KCNAB1: variants seen among roughly 807,000 people sequenced by gnomAD.
KCNAB1 encodes voltage-gated potassium channel subunit beta-1.
A neutral mutation model predicts 64.6 loss-of-function variants in KCNAB1; 35 were observed. That is an observed-to-expected ratio of 0.54 (90% confidence interval 0.41 to 0.72). The LOEUF is 0.72. KCNAB1 is among the 30% of genes least tolerant of loss of function. KCNAB1 has a pLI of 0.00. For synonymous variants in KCNAB1, 177 were observed against 183.8 expected (o/e 0.96, Z 0.30); for missense variants, 401 against 512.9 (o/e 0.78, Z 2.11).
At chr3:156,415,352 G>A (rs911811677) in intron 1 of KCNAB1, among the ~76,000 whole-genome samples, 1 of 152,168 alleles carries the variant, frequency 6.6e-6, no homozygotes, top group Admixed American at 6.5e-5. Context: ...AGTAGTGTGC[G>A]ATGATTACCT....
At chr3:156,434,633 G>A (rs1716462157) in intron 2 of KCNAB1, among the ~76,000 whole-genome samples, 1 of 151,832 alleles carries the variant, frequency 6.6e-6, no homozygotes, top group Admixed American at 6.6e-5. Flanking sequence ...GTAAGGAAAA[G>A]GTCAAAGATA....
chr3:156,345,780 TGGA>T (rs1395327059), intron 1 of KCNAB1, among the ~76,000 whole-genome samples: 3 of 151,932 alleles, frequency 2.0e-5, no homozygotes, highest in Non-Finnish European at 4.4e-5. Flanking sequence ...GCACTAGAAA[TGGA>T]GGAGAAGAAT....
intron 1 of KCNAB1, among the ~76,000 whole-genome samples, chr3:156,391,378 A>G (rs1320818998): frequency 1.3e-5 from 2 of 152,136 alleles, no homozygotes; most frequent in African/African-American, 4.8e-5. Flanking sequence ...CATTTGCCCC[A>G]CTGGCCCATT....
At chr3:156,246,670 C>T (rs896138102) in intron 1 of KCNAB1, among the ~76,000 whole-genome samples, 1 of 145,968 alleles carries the variant, frequency 6.9e-6, no homozygotes, top group Non-Finnish European at 1.5e-5. Context: ...TTATGTTAGT[C>T]ATTTATATAT....
intron 8 of KCNAB1, among the ~76,000 whole-genome samples, chr3:156,478,378 A>G (rs1162246912): frequency 2.0e-5 from 3 of 152,166 alleles, no homozygotes; most frequent in Non-Finnish European, 4.4e-5. Flanking sequence ...TATTGATTTC[A>G]ACTATTATTT....
chr3:156,406,380 C>T (rs1341744110), intron 1 of KCNAB1, among the ~76,000 whole-genome samples: 1 of 152,072 alleles, frequency 6.6e-6, no homozygotes, highest in Non-Finnish European at 1.5e-5. Flanking sequence ...AGCACGCAAG[C>T]TTGTGGGAGA....
chr3:156,465,967 T>C (rs1011656835), intron 7 of KCNAB1, among the ~76,000 whole-genome samples: 1 of 152,152 alleles, frequency 6.6e-6, no homozygotes, highest in Non-Finnish European at 1.5e-5. Flanking sequence ...AAAAGAGCTT[T>C]ATTGAGATAT....
At chr3:156,473,611 C>T (rs1475923173) in intron 7 of KCNAB1, among the ~76,000 whole-genome samples, 1 of 152,182 alleles carries the variant, frequency 6.6e-6, no homozygotes, top group Non-Finnish European at 1.5e-5. Context: ...CACAGACAAT[C>T]CTTTCTCAAT....
intron 11 of KCNAB1, 135 bp downstream of exon 11, chr3:156,516,499 G>T: frequency 3.0e-6 from 2 of 667,314 alleles, no homozygotes; most frequent in East Asian, 5.4e-5. Flanking sequence ...CCTCTGGCAG[G>T]TTCCCCTAAG....
intron 1 of KCNAB1, among the ~76,000 whole-genome samples, chr3:156,152,032 C>G (rs184826110): frequency 6.6e-6 from 1 of 152,174 alleles, no homozygotes; most frequent in Non-Finnish European, 1.5e-5. Context: ...AATTGTTATG[C>G]CTGCAGGAAG....
At chr3:156,480,367 G>A (rs1024376576) in intron 8 of KCNAB1, among the ~76,000 whole-genome samples, 26 of 151,790 alleles carry the variant, frequency 1.7e-4, no homozygotes, top group African/African-American at 6.0e-4. Context: ...AACACATATC[G>A]GGGCCCGTTG....
intron 8 of KCNAB1, among the ~76,000 whole-genome samples, chr3:156,512,984 G>A (rs1040448017): frequency 6.6e-6 from 1 of 152,210 alleles, no homozygotes; most frequent in Non-Finnish European, 1.5e-5. Flanking sequence ...AGGCCGAGGT[G>A]GGAGGATCAC....
Position 156,428,485 on chromosome 3 carries a change from C to CTA in KCNAB1, c.319+6829_319+6830dup, listed in dbSNP as rs1340542821. On this transcript the variant is annotated intron_variant, in intron 2 of 13. Transcript: ENST00000490337. ...CATGAGCCAATTCCTTATAATTCCT[C>CTA]TATACACACACACACACACACACAC... 8.0e-5 allele frequency among the ~76,000 whole-genome samples: 7 copies of CTA among 87,856 alleles called. No individual in the cohort carries two copies. The East Asian group carries it at 9.4e-4, about 12-fold the overall frequency. The allele number at this position is 87,856 out of a possible 152,430, so 57.6% of individuals were successfully genotyped here. A position where few individuals can be genotyped will look rare whatever the true frequency, so the allele number is the denominator to read the frequency against.
chr3:156,537,079 A>T lies in KCNAB1; in HGVS notation c.*332A>T. 1 of 410,268 alleles carries T rather than the reference A, an allele frequency of 2.4e-6. No individual in the cohort carries two copies. The highest frequency in any genetic ancestry group is 4.3e-6 in the Non-Finnish European group (1 of 233,232). 25.4% of individuals were successfully genotyped at this position (410,268 alleles called of 1,614,324 possible). On this transcript the variant is annotated 3_prime_UTR_variant, in exon 14 of 14. Transcript: ENST00000490337. ...CATTTGGTAACTCAAAGAAGGCTGT[A>T]CAGATATATTTTTTCAAAAGAACAA...
intron 12 of KCNAB1, among the ~76,000 whole-genome samples, chr3:156,529,463 GTATA>G (rs917321863): frequency 2.7e-5 from 4 of 149,342 alleles, no homozygotes; most frequent in Non-Finnish European, 1.5e-5. Context: ...AATTTTTGAT[GTATA>G]AATTTTACCT....
At chr3:156,434,472 A>G (rs1716448886) in intron 2 of KCNAB1, among the ~76,000 whole-genome samples, 1 of 152,232 alleles carries the variant, frequency 6.6e-6, no homozygotes, top group African/African-American at 2.4e-5. Flanking sequence ...AAATTGGCAA[A>G]AGCAGGTAGA....
chr3:156,224,408 C>T lies in KCNAB1; in HGVS notation c.275+103522C>T, dbSNP rs141163277. 3.8e-3 allele frequency among the ~76,000 whole-genome samples: 578 copies of T among 152,344 alleles called. 5 individuals carry two copies. The highest frequency in any genetic ancestry group is 0.013 in the African/African-American group (548 of 41,586). ...GGCGGGCTGAAGGGCTCTTCAAGCACGGCCAGAGTGGGCGCCAAGGCCGAG... is the reference window on the plus strand; with the variant it reads ...GGCGGGCTGAAGGGCTCTTCAAGCATGGCCAGAGTGGGCGCCAAGGCCGAG... On this transcript the variant is annotated intron_variant, in intron 1 of 13. Coordinates refer to ENST00000490337, the MANE Select transcript of KCNAB1 (RefSeq NM_172160.3).
chr3:156,359,844 A>G (rs913897675), intron 1 of KCNAB1, among the ~76,000 whole-genome samples: 1 of 152,168 alleles, frequency 6.6e-6, no homozygotes, highest in South Asian at 2.1e-4. Flanking sequence ...GAAAAGTGGA[A>G]CCGGAAATGC....
chr3:156,517,709 T>A (rs1433596584), intron 11 of KCNAB1, among the ~76,000 whole-genome samples: 3 of 152,246 alleles, frequency 2.0e-5, no homozygotes, highest in African/African-American at 7.2e-5. Flanking sequence ...TACAGGTGAC[T>A]TTTAGTCAGT....
Sources: allele counts gnomAD v4.1 joint callset (sites outside exome capture counted in the v4.1 genomes callset), GRCh38; gene constraint gnomAD v4.1.1; transcripts MANE v1.5; gene names NCBI Gene and HGNC (gene_info 2026-07-23, HGNC 2026-07-21).